The following SOD2 variants were observed in gnomAD, a reference collection of about 807,000 sequenced individuals.
SOD2 encodes the protein superoxide dismutase [Mn], mitochondrial.
In SOD2, 11 loss-of-function variants were observed where a neutral mutation model predicts 27.0. The ratio of observed to expected loss-of-function variants is 0.41; its 90% CI spans 0.26 to 0.67. The LOEUF (loss-of-function observed/expected upper bound fraction) is 0.67, where lower values mean the gene tolerates loss of function less well. Ranked by LOEUF, SOD2 falls within the 30% of genes least tolerant of loss-of-function variation. The probability of loss-of-function intolerance (pLI) is 0.34; values close to 1 mark genes in which losing one functional copy is unlikely to be tolerated. For missense variants in SOD2, 250 were observed against 274.5 expected (o/e 0.91, Z 0.63); for synonymous variants, 105 against 103.0 (o/e 1.02, Z -0.12).
At chr6:159,713,706 G>A (rs1268452834) in intron 1 of SOD2, 24 of 895,864 alleles carry the variant, frequency 2.7e-5, no homozygotes, top group Non-Finnish European at 3.5e-5. Context: ...TGTGTGCTTC[G>A]ATACCCAATC....
chr6:159,740,256 A>G (rs1779172348), intron 1 of SOD2, among the ~76,000 whole-genome samples: 1 of 152,028 alleles, frequency 6.6e-6, no homozygotes, highest in East Asian at 1.9e-4. Context: ...GTAGGAGGGG[A>G]AAAATCAGTA....
rs944663571 is a variant in SOD2 at position 159,674,020 on chromosome 6, C to T, written c.*8473G>A. On this transcript the variant is annotated 3_prime_UTR_variant, in exon 5 of 5. Coordinates refer to ENST00000538183, the MANE Select transcript of SOD2 (RefSeq NM_000636.4). The stretch of plus-strand genomic sequence containing the variant: ...GAAGAAATAGATAAATTCCTGGACA[C>T]ATACACCCTCTCAAAACTAAACCAG... 3 of 152,310 alleles carry T rather than the reference C, an allele frequency of 2.0e-5. No individual in the cohort carries two copies. Among genetic ancestry groups the T allele is most frequent in the African/African-American group, 7.2e-5 (3 of 41,576 alleles). 9.4% of individuals were successfully genotyped at this position (152,310 alleles called of 1,614,324 possible).
chr6:159,725,576 C>T lies in SOD2; in HGVS notation c.-116+1553G>A, dbSNP rs1017141614. The stretch of plus-strand genomic sequence containing the variant: ...TTCATTTGTTTCAATTTGCTTTCAA[C>T]CTTAGGATTTACTTTGTTTCCTTTT... On this transcript the variant is annotated intron_variant, in intron 1 of 2. Coordinates refer to the SOD2 transcript ENST00000401980. 5.2e-4 allele frequency: 79 copies of T among 150,902 alleles called. 1 individual carries two copies. Among genetic ancestry groups the T allele is most frequent in the African/African-American group, 1.8e-3 (72 of 41,044 alleles). 9.3% of individuals were successfully genotyped at this position (150,902 alleles called of 1,614,324 possible).
intron 1 of SOD2, among the ~76,000 whole-genome samples, chr6:159,742,398 A>G (rs1384096751): frequency 1.3e-5 from 2 of 152,206 alleles, no homozygotes; most frequent in Non-Finnish European, 2.9e-5. Flanking sequence ...GGTTCTGAAT[A>G]TAGATGCAGT....
rs187891169 is a variant in SOD2, at chr6:159,678,697, G to A, written c.*3796C>T. Reference sequence around the variant, plus strand: ...AATCAAAACCAAGGAAAGGGTCACGGGAACCCCACTTTATAGCCAGTCAGA... The same window carrying A: ...AATCAAAACCAAGGAAAGGGTCACGAGAACCCCACTTTATAGCCAGTCAGA... On this transcript the variant is annotated 3_prime_UTR_variant, in exon 5 of 5. Transcript: ENST00000538183. The A allele has an allele frequency of 7.2e-5, 11 of 152,308 alleles. No homozygotes were observed. The highest frequency in any genetic ancestry group is 1.6e-4 in the Non-Finnish European group (11 of 68,036). 9.4% of individuals were successfully genotyped at this position (152,308 alleles called of 1,614,324 possible). A position where few individuals can be genotyped will look rare whatever the true frequency, so the allele number is the denominator to read the frequency against.
chr6:159,688,176 T>A lies in SOD2; in HGVS notation c.293A>T (p.His98Leu). 6.2e-7 allele frequency: 1 copy of A among 1,613,986 alleles called. No homozygotes were observed. Among genetic ancestry groups the A allele is most frequent in the Non-Finnish European group, 8.5e-7 (1 of 1,179,830 alleles). Residue 98 changes from histidine (H) to leucine (L), a missense_variant, in exon 3 of 5, where the codon CAT becomes CTT. Coordinates refer to ENST00000538183, the MANE Select transcript of SOD2 (RefSeq NM_000636.4). ...LKFNGGGHIN[H>L]SIFWTNLSPN... ...GCTGAGGTTTGTCCAGAAAATGCTATGATTGATATGACCACCACCATTGAA... is the reference window on the plus strand; with the variant it reads ...GCTGAGGTTTGTCCAGAAAATGCTAAGATTGATATGACCACCACCATTGAA...
At chr6:159,684,541 C>T (rs1210073004) in intron 4 of SOD2, among the ~76,000 whole-genome samples, 1 of 152,024 alleles carries the variant, frequency 6.6e-6, no homozygotes, top group African/African-American at 2.4e-5. Flanking sequence ...CACTTGAACC[C>T]AGGAGGCGGA....
intron 1 of SOD2, among the ~76,000 whole-genome samples, chr6:159,706,380 A>G (rs1240659902): frequency 2.0e-5 from 3 of 152,316 alleles, no homozygotes; most frequent in Non-Finnish European, 2.9e-5. Context: ...CCCATCTCAC[A>G]TGCAGAGACA....
chr6:159,708,814 C>G (rs899940452), intron 1 of SOD2, among the ~76,000 whole-genome samples: 2 of 152,206 alleles, frequency 1.3e-5, no homozygotes, highest in Admixed American at 1.3e-4. Flanking sequence ...ATTGCCAAGT[C>G]AATCCTAAGC....
intron 4 of SOD2, among the ~76,000 whole-genome samples, chr6:159,683,707 CACTT>C (rs757650491): frequency 1.1e-4 from 17 of 152,248 alleles, no homozygotes; most frequent in African/African-American, 2.2e-4. Flanking sequence ...AGCTGGGACT[CACTT>C]ACAAATATCA....
At position 159,676,486 on chromosome 6, in the gene SOD2, C is replaced by T. The variant is rs528734140; in HGVS notation, c.*6007G>A. 6.6e-6 allele frequency: 1 copy of T among 152,168 alleles called. No individual in the cohort carries two copies. The highest frequency in any genetic ancestry group is 6.5e-5 in the Admixed American group (1 of 15,280). The allele number at this position is 152,168 out of a possible 1,614,324, so 9.4% of individuals were successfully genotyped here. ...GCTGGAAACCATCCTTCTCAGCAAA[C>T]TATTCCAAGGACAAAAAAACAAACA... On this transcript the variant is annotated 3_prime_UTR_variant, in exon 5 of 5. Transcript: ENST00000538183.
At chr6:159,760,837 TTCCTTGGAC>T (rs1436079980) in intron 1 of SOD2, 1 of 152,148 alleles carries the variant, frequency 6.6e-6, no homozygotes, top group Non-Finnish European at 1.5e-5. Context: ...ATTCCTTGAA[TTCCTTGGAC>T]TCAGATATGT....
upstream of SOD2, among the ~76,000 whole-genome samples, chr6:159,727,947 G>A (rs573971871): frequency 1.3e-5 from 2 of 152,364 alleles, no homozygotes; most frequent in South Asian, 4.1e-4. Flanking sequence ...TGCTCTGGCG[G>A]CCGGAGAGAC....
chr6:159,670,407 A>G lies in SOD2; in HGVS notation c.*12086T>C, dbSNP rs769204577. 4 of 152,206 alleles carry G rather than the reference A, an allele frequency of 2.6e-5. No individual in the cohort carries two copies. The highest frequency in any genetic ancestry group is 9.6e-5 in the African/African-American group (4 of 41,454). 9.4% of individuals were successfully genotyped at this position (152,206 alleles called of 1,614,324 possible). On this transcript the variant is annotated 3_prime_UTR_variant, in exon 5 of 5. Coordinates refer to ENST00000538183, the MANE Select transcript of SOD2 (RefSeq NM_000636.4). ...AAAGATTCATTTGTTTTTTTCCTCC[A>G]GGCATCCACTCTGAGCCCCAGTGAA...
intron 1 of SOD2, among the ~76,000 whole-genome samples, chr6:159,757,419 C>T (rs1165543879): frequency 3.5e-5 from 5 of 143,484 alleles, no homozygotes; most frequent in Non-Finnish European, 6.1e-5. Context: ...TTCTTTTTCT[C>T]TTTTTTTTTT....
upstream of SOD2, chr6:159,727,741 ACCT>A (rs765364134): frequency 1.7e-3 from 1,629 of 984,268 alleles, 1 homozygote; most frequent in South Asian, 7.0e-3. Flanking sequence ...GACGCGGGGG[ACCT>A]CCGGGGCCTG....
chr6:159,738,180 CAT>C, intron 1 of SOD2, among the ~76,000 whole-genome samples: 1 of 152,226 alleles, frequency 6.6e-6, no homozygotes, highest in Non-Finnish European at 1.5e-5. Context: ...AATCAAGATA[CAT>C]ATCTGAACTA....
chr6:159,755,929 AAC>A (rs1177222684), intron 1 of SOD2: 1 of 261,436 alleles, frequency 3.8e-6, no homozygotes, highest in East Asian at 9.7e-5. Context: ...CTTAAAATAC[AAC>A]ACAATGATGT....
At chr6:159,742,169 T>G (rs765879099) in intron 1 of SOD2, 1 of 1,569,044 alleles carries the variant, frequency 6.4e-7, no homozygotes, top group Admixed American at 1.9e-5. Context: ...TTTAGCTTCC[T>G]AAAGACTGAA....
Sources: allele counts gnomAD v4.1 joint callset (sites outside exome capture counted in the v4.1 genomes callset), GRCh38; gene constraint gnomAD v4.1.1; transcripts MANE v1.5; gene names NCBI Gene and HGNC (gene_info 2026-07-23, HGNC 2026-07-21).